The following DCDC1 variants were observed in gnomAD, a reference collection of about 807,000 sequenced individuals.
DCDC1 encodes the protein doublecortin domain containing 1.
Under a neutral mutation model 178.3 loss-of-function variants are expected in DCDC1, and 200 were observed. The observed-to-expected ratio is 1.12, with a 90% CI of 1.00 to 1.26. DCDC1 has a LOEUF of 1.26. Among genes scored for constraint, DCDC1 ranks in the 50% most tolerant of loss-of-function variants. The pLI is 0.00. For synonymous variants in DCDC1, 690 were observed against 604.8 expected (o/e 1.14, Z -2.07); for missense variants, 1,983 against 1,749.2 (o/e 1.13, Z -2.38).
chr11:31,257,665 C>A (rs1944498824), intron 8 of DCDC1, among the ~76,000 whole-genome samples: 1 of 148,124 alleles, frequency 6.8e-6, no homozygotes, highest in African/African-American at 2.5e-5. Flanking sequence ...CGCATCTGAC[C>A]CAAGCACACA....
intron 9 of DCDC1, among the ~76,000 whole-genome samples, chr11:31,232,364 T>G (rs573429368): frequency 6.6e-6 from 1 of 152,312 alleles, no homozygotes; most frequent in South Asian, 2.1e-4. Context: ...TTCTTCATTA[T>G]TTAATATGCT....
chr11:30,949,501 C>T (rs1341915872), intron 21 of DCDC1, among the ~76,000 whole-genome samples: 6 of 152,154 alleles, frequency 3.9e-5, no homozygotes, highest in Admixed American at 3.9e-4. Context: ...AATCCCATTA[C>T]TTGGTATATA....
At chr11:31,041,732 A>G (rs1446066129) in intron 20 of DCDC1, among the ~76,000 whole-genome samples, 2 of 152,180 alleles carry the variant, frequency 1.3e-5, no homozygotes, top group Non-Finnish European at 2.9e-5. Context: ...AACACAAGAG[A>G]AAAAGAGATT....
At chr11:31,306,822 T>C (rs1279030617) in intron 4 of DCDC1, among the ~76,000 whole-genome samples, 1 of 152,028 alleles carries the variant, frequency 6.6e-6, no homozygotes, top group African/African-American at 2.4e-5. Context: ...TTATCAAAGT[T>C]CTTTAACTTT....
intron 9 of DCDC1, among the ~76,000 whole-genome samples, chr11:31,238,652 C>T (rs950211122): frequency 3.3e-5 from 5 of 152,082 alleles, no homozygotes; most frequent in Non-Finnish European, 5.9e-5. Flanking sequence ...TGAGATGGAA[C>T]GGCCCTGTCG....
chr11:31,357,538 T>A (rs1396065590), intron 1 of DCDC1, among the ~76,000 whole-genome samples: 6 of 152,234 alleles, frequency 3.9e-5, no homozygotes, highest in Non-Finnish European at 8.8e-5. Flanking sequence ...AAGACAGGGA[T>A]GCCCTCTCTC....
Position 30,906,576 on chromosome 11 carries a change from G to T in DCDC1, c.4068C>A (p.Phe1356Leu). The T allele has an allele frequency of 6.2e-7, 1 of 1,613,256 alleles. No individual in the cohort carries two copies. Among genetic ancestry groups the T allele is most frequent in the Non-Finnish European group, 8.5e-7 (1 of 1,179,588 alleles). ...TGATGACCTTGAAGGGCCCTTGTAAGAAGGGCTTCTGAGTCTTGGTGCCTG... is the reference window on the plus strand; with the variant it reads ...TGATGACCTTGAAGGGCCCTTGTAATAAGGGCTTCTGAGTCTTGGTGCCTG... ...CISGTKTQKP[F>L]LQGPFKVISV... The change falls in exon 30 of 39, where the codon TTC becomes TTA. Residue 1356 changes from phenylalanine (F) to leucine (L), a missense_variant. Transcript: ENST00000684477.
intron 9 of DCDC1, among the ~76,000 whole-genome samples, chr11:31,195,047 A>T (rs2136381484): frequency 6.6e-6 from 1 of 152,146 alleles, no homozygotes; most frequent in Non-Finnish European, 1.5e-5. Flanking sequence ...TACACTTTGG[A>T]CTGTCCAGGG....
chr11:31,149,102 T>C (rs1964837327), intron 9 of DCDC1, among the ~76,000 whole-genome samples: 2 of 152,228 alleles, frequency 1.3e-5, no homozygotes, highest in African/African-American at 4.8e-5. Flanking sequence ...AGTAGTATTT[T>C]ATGGTGTATA....
chr11:31,236,678 C>T (rs1976503535), intron 9 of DCDC1, among the ~76,000 whole-genome samples: 1 of 151,868 alleles, frequency 6.6e-6, no homozygotes, highest in South Asian at 2.1e-4. Context: ...CTCAAATCTA[C>T]AAACAACCTA....
At chr11:31,248,452 T>C (rs191706236) in intron 8 of DCDC1, among the ~76,000 whole-genome samples, 2 of 152,184 alleles carry the variant, frequency 1.3e-5, no homozygotes, top group Non-Finnish European at 2.9e-5. Context: ...AATACAAGTC[T>C]AAAGATGTAG....
chr11:31,295,906 A>G (rs566387242), intron 6 of DCDC1, among the ~76,000 whole-genome samples: 50 of 152,114 alleles, frequency 3.3e-4, no homozygotes, highest in Non-Finnish European at 3.7e-4. Flanking sequence ...CCATTTGTCC[A>G]TTTCTGTCTC....
Position 31,250,421 on chromosome 11 carries a change from C to CATATATATATATATATATATAT in DCDC1, c.1055-8806_1055-8805insATATATATATATATATATATAT. On this transcript the variant is annotated intron_variant, in intron 8 of 38. Transcript: ENST00000684477. ...ACACACACACACACACACACATATA[C>CATATATATATATATATATATAT]ATATATATGTATATATATATATATC... Among the ~76,000 whole-genome samples, 9 of 52,930 alleles carry CATATATATATATATATATATAT rather than the reference C, an allele frequency of 1.7e-4. 1 individual carries two copies. Among genetic ancestry groups the CATATATATATATATATATATAT allele is most frequent in the Non-Finnish European group, 2.9e-4 (6 of 20,690 alleles). The allele number at this position is 52,930 out of a possible 152,430, so 34.7% of individuals were successfully genotyped here. A position where few individuals can be genotyped will look rare whatever the true frequency, so the allele number is the denominator to read the frequency against.
intron 20 of DCDC1, among the ~76,000 whole-genome samples, chr11:31,019,762 C>A (rs556059114): frequency 6.6e-6 from 1 of 152,172 alleles, no homozygotes; most frequent in East Asian, 1.9e-4. Context: ...TATTGCTCTC[C>A]CTCTTGCTTT....
rs1052317338 is a variant in DCDC1, at chr11:30,920,450, G to C, written c.3293+326C>G. Among the ~76,000 whole-genome samples the C allele has an allele frequency of 2.0e-5, 3 of 152,094 alleles. No individual in the cohort carries two copies. In the East Asian group the frequency reaches 5.8e-4, roughly 29 times the overall value. Reference sequence around the variant, plus strand: ...CATGTGTCAACTTGAACTTAGGGAAGAAGTTTAATTTATCCTGAAGTCAAT... The same window carrying C: ...CATGTGTCAACTTGAACTTAGGGAACAAGTTTAATTTATCCTGAAGTCAAT... On this transcript the variant is annotated intron_variant, in intron 25 of 38. Coordinates refer to ENST00000684477, the MANE Select transcript of DCDC1 (RefSeq NM_001387274.1).
At chr11:31,282,112 T>C (rs1946482836) in intron 7 of DCDC1, among the ~76,000 whole-genome samples, 1 of 152,172 alleles carries the variant, frequency 6.6e-6, no homozygotes, top group Admixed American at 6.6e-5. Flanking sequence ...AGTTTTCCTG[T>C]TTTCTCTATT....
intron 9 of DCDC1, among the ~76,000 whole-genome samples, chr11:31,157,565 C>A (rs1186296378): frequency 6.6e-6 from 1 of 151,320 alleles, no homozygotes; most frequent in Admixed American, 6.6e-5. Flanking sequence ...AGACATTATG[C>A]CAAGTGAAAT....
chr11:31,260,279 T>C (rs894097533), intron 8 of DCDC1, among the ~76,000 whole-genome samples: 1 of 152,256 alleles, frequency 6.6e-6, no homozygotes, highest in Non-Finnish European at 1.5e-5. Context: ...TTTGCTTCTG[T>C]GTGGACTTTA....
intron 3 of DCDC1, among the ~76,000 whole-genome samples, chr11:31,315,990 A>AT (rs1211772375): frequency 9.0e-6 from 1 of 111,168 alleles, no homozygotes; most frequent in Non-Finnish European, 1.8e-5. Flanking sequence ...TGAACTCATC[A>AT]TTTTTTATGG....
Sources: gnomAD v4.1 joint callset for allele counts (sites outside exome capture counted in the v4.1 genomes callset) on GRCh38, gnomAD v4.1.1 for gene constraint, MANE v1.5 for transcripts, NCBI Gene and HGNC (gene_info 2026-07-23, HGNC 2026-07-21) for gene names.